Variants in SLC2A9 observed in about 807,000 individuals in gnomAD.
SLC2A9 encodes solute carrier family 2 member 9, also known as solute carrier family 2, facilitated glucose transporter member 9.
A neutral mutation model predicts 50.6 loss-of-function variants in SLC2A9; 39 were observed. The observed-to-expected ratio is 0.77, with a 90% confidence interval of 0.60 to 1.01. The LOEUF (loss-of-function observed/expected upper bound fraction) is 1.01. Among genes scored for constraint, SLC2A9 ranks in the 50% least tolerant of loss-of-function variants. The pLI is 0.00. For synonymous variants in SLC2A9, 324 were observed against 276.9 expected, an observed-to-expected ratio of 1.17 and a Z score of -1.69; for missense variants, 686 against 677.6, an observed-to-expected ratio of 1.01 and a Z score of -0.14.
In SLC2A9 at chr4:10,038,506, CAAAAAAAA is replaced by C. The variant is rs35698968; in HGVS notation, c.-41+1616_-41+1623del. Among the ~76,000 whole-genome samples the C allele has an allele frequency of 9.2e-3, 455 of 49,436 alleles. 3 individuals carry two copies. Among genetic ancestry groups the C allele is most frequent in the African/African-American group, 0.037 (422 of 11,372 alleles). 32.4% of individuals were successfully genotyped at this position (49,436 alleles called of 152,430 possible). A position where few individuals can be genotyped will look rare whatever the true frequency, so the allele number is the denominator to read the frequency against. On this transcript the variant is annotated intron_variant, in intron 1 of 12. Transcript: ENST00000309065. ...TGGGTGACAGAGTAAGACTCTGTCT[CAAAAAAAA>C]AAAAAAAAAAAAAAAAAAATTAGTT...
At chr4:9,891,263 C>T (rs1048337394) in intron 8 of SLC2A9, among the ~76,000 whole-genome samples, 7 of 152,166 alleles carry the variant, frequency 4.6e-5, no homozygotes, top group African/African-American at 9.7e-5. Context: ...CAGCTTCCCT[C>T]GGCCTAGGAC....
chr4:9,837,572 T>C (rs1727300932), intron 10 of SLC2A9, among the ~76,000 whole-genome samples: 2 of 152,230 alleles, frequency 1.3e-5, no homozygotes, highest in Admixed American at 1.3e-4. Context: ...AGTAGAACAC[T>C]GACAAATTGC....
At chr4:9,890,544 A>G (rs1737184832) in intron 9 of SLC2A9, 66 bp downstream of exon 9, 1 of 1,496,950 alleles carries the variant, frequency 6.7e-7, no homozygotes, top group Admixed American at 1.7e-5. Flanking sequence ...AAAGGCCCCA[A>G]AACGATGAAG....
chr4:9,936,501 G>A (rs531659650), intron 6 of SLC2A9, among the ~76,000 whole-genome samples: 30 of 152,276 alleles, frequency 2.0e-4, no homozygotes, highest in Admixed American at 5.2e-4. Flanking sequence ...ACATTACCAG[G>A]TACAAAGAGG....
rs1479241190 is a variant in SLC2A9 at position 9,908,258 on chromosome 4, C to T, written c.1090G>A (p.Glu364Lys). 7 of 1,613,886 alleles carry T rather than the reference C, an allele frequency of 4.3e-6. No homozygotes were observed. The highest frequency in any genetic ancestry group is 1.1e-5 in the South Asian group (1 of 91,070). Residue 364 changes from glutamate (E) to lysine (K), a missense_variant, in exon 8 of 12, where the codon GAG (glutamate) becomes AAG (lysine). By Grantham distance (56) the Glu-to-Lys change is moderately conservative. Coordinates refer to ENST00000264784, the MANE Select transcript of SLC2A9 (RefSeq NM_020041.3). ...PYVTLSTGGI[E>K]TLAAVFSGLV... ...ACAGAGAAGACGGCAGCCAAAGTCT[C>T]GATGCCCCCTGTACTCAAGGTGACG...
chr4:9,931,361 A>G (rs1745877135), intron 6 of SLC2A9, among the ~76,000 whole-genome samples: 1 of 152,214 alleles, frequency 6.6e-6, no homozygotes, highest in Non-Finnish European at 1.5e-5. Flanking sequence ...TCTGTGTAGC[A>G]TGGCAAACTC....
intron 3 of SLC2A9, among the ~76,000 whole-genome samples, chr4:9,781,273 G>A (rs908801653): frequency 4.6e-5 from 7 of 152,336 alleles, no homozygotes; most frequent in African/African-American, 1.4e-4. Flanking sequence ...AGTCCGGATT[G>A]GGACTCGGGT....
At chr4:9,996,006 T>C (rs997121804) in intron 3 of SLC2A9, 1 of 152,558 alleles carries the variant, frequency 6.6e-6, no homozygotes, top group Non-Finnish European at 1.5e-5. Flanking sequence ...AGAGAAAGCA[T>C]TGTTTGTGGG....
chr4:9,970,273 A>C (rs923549102), intron 5 of SLC2A9, among the ~76,000 whole-genome samples: 1 of 152,162 alleles, frequency 6.6e-6, no homozygotes, highest in Non-Finnish European at 1.5e-5. Flanking sequence ...TGGAGAGAAG[A>C]CATTCCTGAC....
At chr4:9,873,605 T>C (rs569220287) in intron 10 of SLC2A9, among the ~76,000 whole-genome samples, 2 of 152,318 alleles carry the variant, frequency 1.3e-5, no homozygotes, top group South Asian at 2.1e-4. Context: ...GGGACAGTGA[T>C]GGACATGTGG....
chr4:9,804,076 CAAG>C (rs1332480844), intron 3 of SLC2A9, among the ~76,000 whole-genome samples: 1 of 152,142 alleles, frequency 6.6e-6, no homozygotes, highest in Non-Finnish European at 1.5e-5. Flanking sequence ...ATGTTCTTCT[CAAG>C]AAGTTCATAG....
chr4:9,954,374 G>T (rs574700970), intron 5 of SLC2A9, among the ~76,000 whole-genome samples: 149 of 152,374 alleles, frequency 9.8e-4, no homozygotes, highest in African/African-American at 3.4e-3. Flanking sequence ...ACCTAGATTG[G>T]GCAGGAAGGG....
At chr4:9,852,378 G>A (rs372006802) in intron 10 of SLC2A9, among the ~76,000 whole-genome samples, 4 of 151,488 alleles carry the variant, frequency 2.6e-5, no homozygotes, top group African/African-American at 4.8e-5. Flanking sequence ...TCAGCCTCCC[G>A]AGTAGCTGGG....
chr4:9,782,406 C>T (rs747990243), intron 3 of SLC2A9: 6 of 1,614,028 alleles, frequency 3.7e-6, no homozygotes, highest in South Asian at 1.1e-5. Flanking sequence ...TGCTCCACTG[C>T]CTCCATCCTG....
intron 3 of SLC2A9, among the ~76,000 whole-genome samples, chr4:9,996,351 C>T (rs376514350): frequency 6.6e-6 from 1 of 152,232 alleles, no homozygotes; most frequent in Non-Finnish European, 1.5e-5. Context: ...TGCCCCAACA[C>T]CCAGATCAAT....
chr4:9,971,605 G>C (rs1333454462), intron 5 of SLC2A9, among the ~76,000 whole-genome samples: 1 of 152,194 alleles, frequency 6.6e-6, no homozygotes, highest in Non-Finnish European at 1.5e-5. Flanking sequence ...GAGACAGGTT[G>C]ATCCCAGCTG....
At chr4:9,859,820 G>T (rs1731319092) in intron 10 of SLC2A9, among the ~76,000 whole-genome samples, 1 of 152,238 alleles carries the variant, frequency 6.6e-6, no homozygotes, top group African/African-American at 2.4e-5. Flanking sequence ...AAGTCAGGGA[G>T]CGCCTGCTCT....
chr4:9,834,771 T>A, intron 11 of SLC2A9, 110 bp downstream of exon 11: 3 of 1,521,428 alleles, frequency 2.0e-6, no homozygotes, highest in Non-Finnish European at 2.7e-6. Flanking sequence ...GAAAATAGCA[T>A]GAGTTTCCAG....
chr4:10,020,592 G>A (rs2109556104), intron 1 of SLC2A9, among the ~76,000 whole-genome samples: 1 of 152,308 alleles, frequency 6.6e-6, no homozygotes, highest in South Asian at 2.1e-4. Context: ...TCACATTTCA[G>A]ATGAAACGCC....
Sources: gnomAD v4.1 joint callset for allele counts (sites outside exome capture counted in the v4.1 genomes callset) on GRCh38, gnomAD v4.1.1 for gene constraint, MANE v1.5 for transcripts, NCBI Gene and HGNC (gene_info 2026-07-23, HGNC 2026-07-21) for gene names.